The following ANKLE2 variants were observed in gnomAD, a reference collection of about 807,000 sequenced individuals.
The protein encoded by ANKLE2 is ankyrin repeat and LEM domain containing 2.
A neutral mutation model predicts 84.2 loss-of-function variants in ANKLE2; 55 were observed. The observed-to-expected ratio is 0.65, with a 90% CI of 0.53 to 0.82. The LOEUF (loss-of-function observed/expected upper bound fraction) is 0.82. Among genes scored for constraint, ANKLE2 ranks in the 40% least tolerant of loss-of-function variants. The pLI is 0.00. For synonymous variants in ANKLE2, 551 were observed against 486.1 expected, an observed-to-expected ratio of 1.13 and a Z score of -1.76; for missense variants, 1,238 against 1,201.9, an observed-to-expected ratio of 1.03 and a Z score of -0.44.
intron 3 of ANKLE2, among the ~76,000 whole-genome samples, chr12:132,750,213 A>G (rs1325943630): frequency 1.4e-5 from 2 of 143,062 alleles, no homozygotes; most frequent in African/African-American, 5.9e-5. Flanking sequence ...TCAAAAAAAA[A>G]AAAAAAAAAA....
At chr12:132,756,470 C>A in intron 1 of ANKLE2, 1 of 152,056 alleles carries the variant, frequency 6.6e-6, no homozygotes, top group Non-Finnish European at 1.5e-5. Flanking sequence ...AGGTGGATGC[C>A]ACCACGAGCT....
At chr12:132,735,290 C>G in intron 9 of ANKLE2, 116 bp downstream of exon 9, 1 of 956,710 alleles carries the variant, frequency 1.0e-6, no homozygotes, top group Non-Finnish European at 1.7e-6. Context: ...AGGACCAAGT[C>G]TCCCAGAAAA....
intron 11 of ANKLE2, among the ~76,000 whole-genome samples, chr12:132,728,699 C>T (rs2043761178): frequency 6.6e-6 from 1 of 152,206 alleles, no homozygotes; most frequent in African/African-American, 2.4e-5. Context: ...ACTCGCTGTT[C>T]TGTGATGAGA....
chr12:132,741,316 C>T (rs928717608), intron 7 of ANKLE2, 103 bp downstream of exon 7: 65 of 1,178,836 alleles, frequency 5.5e-5, no homozygotes, highest in African/African-American at 2.4e-4. Context: ...AGCCGGCACA[C>T]GCCCGGGGAG....
rs1273540115 is a variant in ANKLE2, at chr12:132,750,636, G to C, written c.847+7C>G. 1.2e-6 allele frequency: 2 copies of C among 1,613,710 alleles called. No individual in the cohort carries two copies. Among genetic ancestry groups the C allele is most frequent in the South Asian group, 2.2e-5 (2 of 90,838 alleles). ...AACATCAAGATGTGAACGGCTGCAT[G>C]ATTTACCTTTCAACCTGTCATTGCT... On this transcript the variant is annotated splice_region_variant and intron_variant, in intron 3 of 12. Transcript: ENST00000357997.
At chr12:132,761,482 C>T (rs1046295873) in intron 1 of ANKLE2, 136 bp downstream of exon 1, 69 of 772,472 alleles carry the variant, frequency 8.9e-5, no homozygotes, top group Non-Finnish European at 1.1e-4. Flanking sequence ...CCTTTCCCGA[C>T]CGGCCCTGGT....
intron 7 of ANKLE2, among the ~76,000 whole-genome samples, chr12:132,739,503 T>C (rs936720991): frequency 6.6e-6 from 1 of 152,224 alleles, no homozygotes; most frequent in African/African-American, 2.4e-5. Context: ...ATAGGGTGCA[T>C]GGTAGGTATA....
At chr12:132,741,623 T>C in intron 6 of ANKLE2, 138 bp from the exon 7 acceptor site, 1 of 834,556 alleles carries the variant, frequency 1.2e-6, no homozygotes, top group Non-Finnish European at 1.9e-6. Flanking sequence ...AAGCTCACAC[T>C]CAGAAAACGT....
chr12:132,748,068 C>T (rs544462880), intron 4 of ANKLE2, 48 bp from the exon 5 acceptor site: 13 of 1,603,580 alleles, frequency 8.1e-6, no homozygotes, highest in Admixed American at 3.4e-5. Flanking sequence ...TGTGTGGACA[C>T]GCCCTGTGCG....
At chr12:132,757,653 T>C (rs1049710220) in intron 1 of ANKLE2, 3 of 152,174 alleles carry the variant, frequency 2.0e-5, no homozygotes, top group Non-Finnish European at 4.4e-5. Context: ...AAACCCTGTC[T>C]CTACTAAAAA....
rs61951316 is a variant in ANKLE2 at position 132,761,374 on chromosome 12, G to A, written c.181+244C>T. The A allele has an allele frequency of 0.067, 21,683 of 325,316 alleles. 910 individuals are homozygous for A. The highest frequency in any genetic ancestry group is 0.14 in the Admixed American group (2,894 of 20,132). The allele number at this position is 325,316 out of a possible 1,614,324, so 20.2% of individuals were successfully genotyped here. On this transcript the variant is annotated intron_variant, in intron 1 of 12. Coordinates refer to ENST00000357997, the MANE Select transcript of ANKLE2 (RefSeq NM_015114.3). Reference sequence around the variant, plus strand: ...CCGCCTTCCCCGGAGGCTGCTCCAGGGCCCGGGAAAGCTCTCACCCCCGAA... The same window carrying A: ...CCGCCTTCCCCGGAGGCTGCTCCAGAGCCCGGGAAAGCTCTCACCCCCGAA...
chr12:132,734,025 C>T (rs554704311), intron 10 of ANKLE2: 1 of 464,300 alleles, frequency 2.2e-6, no homozygotes, highest in South Asian at 1.5e-5. Flanking sequence ...ATCACGAGGT[C>T]AGGAGTTCGA....
At position 132,741,433 on chromosome 12, in the gene ANKLE2, C is replaced by T. The variant is rs2136138707; in HGVS notation, c.1406G>A (p.Arg469Lys). 1.2e-6 allele frequency: 2 copies of T among 1,614,230 alleles called. No homozygotes were observed. The highest frequency in any genetic ancestry group is 2.2e-5 in the East Asian group (1 of 44,882). The change falls in exon 7 of 13, where the codon AGA (arginine) becomes AAA (lysine). Residue 469 changes from arginine (R) to lysine (K), a missense_variant. By Grantham distance (26) the Arg-to-Lys change is conservative. Coordinates refer to ENST00000357997, the MANE Select transcript of ANKLE2 (RefSeq NM_015114.3). ...NKSVELKERI[R>K]EYLKGHYYVP... ...CCCCATCTTACCCTTTAAATACTCTCTGATCCGCTCCTTCAGTTCCACAGA... is the reference window on the plus strand; with the variant it reads ...CCCCATCTTACCCTTTAAATACTCTTTGATCCGCTCCTTCAGTTCCACAGA...
At chr12:132,755,190 G>T in intron 1 of ANKLE2, 57 bp from the exon 2 acceptor site, 2 of 1,449,234 alleles carry the variant, frequency 1.4e-6, no homozygotes, top group Non-Finnish European at 1.9e-6. Flanking sequence ...TGCTGAAGCT[G>T]GGTGATGGGT....
At chr12:132,746,321 C>T (rs762757066) in intron 5 of ANKLE2, among the ~76,000 whole-genome samples, 18 of 143,792 alleles carry the variant, frequency 1.3e-4, no homozygotes, top group Non-Finnish European at 2.1e-4. Flanking sequence ...TGCACTCCCA[C>T]CTGGGAGACA....
intron 5 of ANKLE2, 149 bp downstream of exon 5, chr12:132,747,683 G>GGTAA: frequency 9.9e-7 from 1 of 1,007,186 alleles, no homozygotes; most frequent in Non-Finnish European, 1.4e-6. Context: ...AGTGGGATGT[G>GGTAA]GTAAGAAGGC....
rs74384106 is a variant in ANKLE2 at position 132,750,415 on chromosome 12, C to T, written c.847+228G>A. 0.061 allele frequency among the ~76,000 whole-genome samples: 9,295 copies of T among 151,944 alleles called. 334 individuals carry two copies. Among genetic ancestry groups the T allele is most frequent in the East Asian group, 0.11 (547 of 5,158 alleles). On this transcript the variant is annotated intron_variant, in intron 3 of 12. Coordinates refer to ENST00000357997, the MANE Select transcript of ANKLE2 (RefSeq NM_015114.3). Reference sequence around the variant, plus strand: ...ACAAAAAAAAAAGAAAAAAATCCAACAGACACGGGGACAGATGGAAGCGGC... The same window carrying T: ...ACAAAAAAAAAAGAAAAAAATCCAATAGACACGGGGACAGATGGAAGCGGC...
At chr12:132,737,132 G>A in intron 7 of ANKLE2, 67 bp from the exon 8 acceptor site, 1 of 1,502,118 alleles carries the variant, frequency 6.7e-7, no homozygotes, top group Non-Finnish European at 8.9e-7. Flanking sequence ...TGGGTGAGCA[G>A]GACGGGGATC....
chr12:132,741,685 C>T, intron 6 of ANKLE2, 200 bp from the exon 7 acceptor site: 2 of 670,346 alleles, frequency 3.0e-6, no homozygotes, highest in South Asian at 3.2e-5. Flanking sequence ...GGAGAACACA[C>T]TCTGGGATTA....
Sources: gnomAD v4.1 joint callset for allele counts (sites outside exome capture counted in the v4.1 genomes callset) on GRCh38, gnomAD v4.1.1 for gene constraint, MANE v1.5 for transcripts, NCBI Gene and HGNC (gene_info 2026-07-23, HGNC 2026-07-21) for gene names.